The following LRRTM4 variants were observed in gnomAD, a reference collection of about 807,000 sequenced individuals.
The protein encoded by LRRTM4 is leucine rich repeat transmembrane neuronal 4, also known as leucine-rich repeat transmembrane neuronal protein 4.
In LRRTM4, 25 loss-of-function variants were observed where a neutral mutation model predicts 47.6. The ratio of observed to expected loss-of-function variants is 0.53; its 90% CI spans 0.38 to 0.73. The LOEUF is 0.73. Ranked by LOEUF, LRRTM4 falls within the 30% of genes least tolerant of loss-of-function variation. LRRTM4 has a pLI of 0.00. For synonymous variants in LRRTM4, 311 were observed against 269.5 expected (o/e 1.15, Z -1.51); for missense variants, 638 against 713.4 (o/e 0.89, Z 1.20).
chr2:76,835,896 CAT>C (rs1176415143), intron 3 of LRRTM4, among the ~76,000 whole-genome samples: 2 of 151,926 alleles, frequency 1.3e-5, no homozygotes, highest in African/African-American at 2.4e-5. Flanking sequence ...AGTGAATAAT[CAT>C]GTGAAATCCA....
intron 3 of LRRTM4, among the ~76,000 whole-genome samples, chr2:76,838,172 CAA>C (rs1014495254): frequency 4.0e-5 from 6 of 151,710 alleles, no homozygotes; most frequent in Non-Finnish European, 7.4e-5. Context: ...AAACAAGTCT[CAA>C]AAGTCTCATT....
intron 3 of LRRTM4, among the ~76,000 whole-genome samples, chr2:76,980,188 G>A (rs545724452): frequency 2.6e-5 from 4 of 152,200 alleles, no homozygotes; most frequent in East Asian, 1.9e-4. Flanking sequence ...ACAGAAAAAT[G>A]TAATAGAGGC....
At chr2:76,913,735 C>T (rs116787752) in intron 3 of LRRTM4, among the ~76,000 whole-genome samples, 1,842 of 151,934 alleles carry the variant, frequency 0.012, 20 homozygotes, top group Middle Eastern at 0.061. Flanking sequence ...GATAGGGTTT[C>T]GCCATGTTGG....
In LRRTM4 at chr2:77,459,593, A is replaced by C. The variant is rs78390342; in HGVS notation, c.1551+58725T>G. 4.0e-3 allele frequency among the ~76,000 whole-genome samples: 590 copies of C among 148,996 alleles called. 30 individuals are homozygous for C. The East Asian group carries it at 0.09, about 23-fold the overall frequency. On this transcript the variant is annotated intron_variant, in intron 3 of 3. Coordinates refer to ENST00000409884, the MANE Select transcript of LRRTM4 (RefSeq NM_001134745.3). ...GTCCCTTACACTACATCATATAATG[A>C]AATTCATGACACTTATATAAACAGT...
At chr2:77,246,751 G>A (rs2104003127) in intron 3 of LRRTM4, among the ~76,000 whole-genome samples, 1 of 151,958 alleles carries the variant, frequency 6.6e-6, no homozygotes, top group South Asian at 2.1e-4. Context: ...ATGGATGTGT[G>A]TACATATGTA....
At chr2:76,877,026 T>C (rs1257052170) in intron 3 of LRRTM4, among the ~76,000 whole-genome samples, 1 of 152,090 alleles carries the variant, frequency 6.6e-6, no homozygotes, top group African/African-American at 2.4e-5. Context: ...GATGATTTTA[T>C]GAATGTGGGC....
At chr2:77,012,008 A>G (rs990808749) in intron 3 of LRRTM4, among the ~76,000 whole-genome samples, 2 of 152,114 alleles carry the variant, frequency 1.3e-5, no homozygotes, top group African/African-American at 2.4e-5. Context: ...AGATGCCAGC[A>G]TTTGAAGCCT....
At chr2:77,487,938 C>T (rs1253298538) in intron 3 of LRRTM4, among the ~76,000 whole-genome samples, 3 of 152,188 alleles carry the variant, frequency 2.0e-5, no homozygotes, top group Non-Finnish European at 4.4e-5. Flanking sequence ...CACCTCTTCA[C>T]CTCAATCACC....
At chr2:76,891,856 C>T (rs1056321513) in intron 3 of LRRTM4, among the ~76,000 whole-genome samples, 7 of 151,470 alleles carry the variant, frequency 4.6e-5, no homozygotes, top group African/African-American at 1.7e-4. Flanking sequence ...ATAAAAGATT[C>T]ATTAATTTGA....
chr2:77,137,266 C>A (rs955291971), intron 3 of LRRTM4, among the ~76,000 whole-genome samples: 1 of 151,916 alleles, frequency 6.6e-6, no homozygotes, highest in Non-Finnish European at 1.5e-5. Context: ...ATCAGACTCA[C>A]AGCAGATCTC....
At chr2:77,505,281 G>C (rs1678724890) in intron 3 of LRRTM4, among the ~76,000 whole-genome samples, 1 of 150,750 alleles carries the variant, frequency 6.6e-6, no homozygotes, top group Non-Finnish European at 1.5e-5. Context: ...ACCAAAAAAA[G>C]AAAAAAAGCT....
chr2:77,003,015 T>C (rs1677489406), intron 3 of LRRTM4, among the ~76,000 whole-genome samples: 1 of 152,142 alleles, frequency 6.6e-6, no homozygotes, highest in African/African-American at 2.4e-5. Context: ...ACTTCAGTTA[T>C]GTAGAATAGA....
At chr2:76,787,350 A>T (rs1433461020) in intron 3 of LRRTM4, among the ~76,000 whole-genome samples, 2 of 152,134 alleles carry the variant, frequency 1.3e-5, no homozygotes, top group Non-Finnish European at 2.9e-5. Context: ...AATTATTTTC[A>T]TCTCTTTTCT....
intron 3 of LRRTM4, among the ~76,000 whole-genome samples, chr2:77,081,835 T>A (rs1301431173): frequency 6.6e-6 from 1 of 152,142 alleles, no homozygotes. Context: ...ACCAATCAGA[T>A]CATTCCTGGA....
intron 3 of LRRTM4, among the ~76,000 whole-genome samples, chr2:76,909,195 C>T (rs887007854): frequency 6.6e-6 from 1 of 152,146 alleles, no homozygotes; most frequent in Non-Finnish European, 1.5e-5. Context: ...TGCTGCTTAT[C>T]TACAACTATC....
intron 3 of LRRTM4, among the ~76,000 whole-genome samples, chr2:77,325,266 T>G (rs1670717468): frequency 6.6e-6 from 1 of 152,158 alleles, no homozygotes; most frequent in South Asian, 2.1e-4. Context: ...AAAAGATAGT[T>G]GAGCACTTGG....
At chr2:77,328,813 A>G (rs1670870773) in intron 3 of LRRTM4, among the ~76,000 whole-genome samples, 1 of 152,142 alleles carries the variant, frequency 6.6e-6, no homozygotes, top group South Asian at 2.1e-4. Context: ...CAAGCTGACA[A>G]ATGGCTTCTA....
intron 3 of LRRTM4, among the ~76,000 whole-genome samples, chr2:77,466,388 G>A (rs1676982806): frequency 6.6e-6 from 1 of 152,124 alleles, no homozygotes; most frequent in Non-Finnish European, 1.5e-5. Context: ...AGTTTTTCAA[G>A]TTTTACAGTT....
chr2:77,041,114 C>T (rs1679017799), intron 3 of LRRTM4, among the ~76,000 whole-genome samples: 1 of 151,494 alleles, frequency 6.6e-6, no homozygotes, highest in African/African-American at 2.4e-5. Context: ...AACCAATCTC[C>T]TGCTTTCTAC....
Sources: gnomAD v4.1 joint callset for allele counts (sites outside exome capture counted in the v4.1 genomes callset) on GRCh38, gnomAD v4.1.1 for gene constraint, MANE v1.5 for transcripts, NCBI Gene and HGNC (gene_info 2026-07-23, HGNC 2026-07-21) for gene names.